The following RNF4 variants were observed in gnomAD, a reference collection of about 807,000 sequenced individuals.
The protein encoded by RNF4 is E3 ubiquitin-protein ligase RNF4.
RNF4 carries 7 observed loss-of-function variants against 24.3 expected under a neutral mutation model. The observed-to-expected ratio is 0.29, with a 90% CI of 0.16 to 0.54. RNF4 has a LOEUF of 0.54. Among genes scored for constraint, RNF4 ranks in the 20% least tolerant of loss-of-function variants. RNF4 has a pLI of 0.95. For synonymous variants in RNF4, 83 were observed against 84.3 expected (o/e 0.98, Z 0.09); for missense variants, 209 against 248.5 (o/e 0.84, Z 1.07).
At chr4:2,484,511 C>T (rs552683152) in intron 1 of RNF4, among the ~76,000 whole-genome samples, 1 of 152,144 alleles carries the variant, frequency 6.6e-6, no homozygotes, top group East Asian at 1.9e-4. Context: ...TAGAATTTTT[C>T]AACTTATGAT....
intron 1 of RNF4, among the ~76,000 whole-genome samples, chr4:2,481,618 TCTG>T (rs1030598544): frequency 2.6e-5 from 4 of 152,222 alleles, no homozygotes; most frequent in African/African-American, 7.2e-5. Context: ...CCTGCTCTCT[TCTG>T]CCTTTCTGTC....
chr4:2,476,022 C>T (rs1397822425), intron 1 of RNF4, among the ~76,000 whole-genome samples: 1 of 152,132 alleles, frequency 6.6e-6, no homozygotes, highest in African/African-American at 2.4e-5. Context: ...TTTATTTTTG[C>T]TTTCACCGCA....
At chr4:2,513,014 C>T in intron 6 of RNF4, 69 bp from the exon 7 acceptor site, 1 of 1,459,220 alleles carries the variant, frequency 6.9e-7, no homozygotes, top group South Asian at 1.1e-5. Context: ...ATAGGGGCCA[C>T]TCACGTGACA....
At chr4:2,510,937 G>A (rs1736254720) in intron 4 of RNF4, among the ~76,000 whole-genome samples, 1 of 152,200 alleles carries the variant, frequency 6.6e-6, no homozygotes. Context: ...GAATTGGATT[G>A]TGTTCAATCC....
intron 1 of RNF4, chr4:2,480,891 G>C (rs1735225275): frequency 6.6e-6 from 1 of 152,162 alleles, no homozygotes; most frequent in South Asian, 2.1e-4. Flanking sequence ...GTACAGTTCT[G>C]TTTGAAGTGT....
At chr4:2,495,392 AGGCTAAG>A (rs1735701983) in intron 2 of RNF4, among the ~76,000 whole-genome samples, 1 of 152,132 alleles carries the variant, frequency 6.6e-6, no homozygotes, top group East Asian at 1.9e-4. Context: ...GACCCTAGTA[AGGCTAAG>A]GAATTGGGAT....
intron 4 of RNF4, 107 bp from the exon 5 acceptor site, chr4:2,511,849 G>A: frequency 8.8e-7 from 1 of 1,132,830 alleles, no homozygotes. Context: ...CTCACCAGAG[G>A]GTTCCACAGA....
At chr4:2,485,932 A>G (rs1735393676) in intron 1 of RNF4, among the ~76,000 whole-genome samples, 1 of 152,198 alleles carries the variant, frequency 6.6e-6, no homozygotes, top group African/African-American at 2.4e-5. Context: ...CTTTTGGAAC[A>G]CACTAAATTT....
At chr4:2,484,235 C>G (rs895946857) in intron 1 of RNF4, among the ~76,000 whole-genome samples, 1 of 151,762 alleles carries the variant, frequency 6.6e-6, no homozygotes, top group Non-Finnish European at 1.5e-5. Context: ...AAGAGCTTCT[C>G]GTTAGAGCAT....
At chr4:2,475,377 C>T (rs1308782611) in intron 1 of RNF4, among the ~76,000 whole-genome samples, 2 of 152,000 alleles carry the variant, frequency 1.3e-5, no homozygotes, top group Non-Finnish European at 2.9e-5. Flanking sequence ...CTCACTCTGC[C>T]GCCCAGGCTG....
Position 2,512,623 on chromosome 4 carries a change from G to A in RNF4, c.374+26G>A. 6.2e-7 allele frequency: 1 copy of A among 1,611,636 alleles called. No individual in the cohort carries two copies. ...GTACCAACGTGCCCCCAGCTCTGCT[G>A]CCGCCATGCTAGGATGTGGGGCCAG... On this transcript the variant is annotated intron_variant, in intron 6 of 7. Coordinates refer to ENST00000314289, the MANE Select transcript of RNF4 (RefSeq NM_002938.5). This position sits in a 1 kb window ranked among gnomAD's most constrained non-coding sequence, Gnocchi z 4.1.
intron 3 of RNF4, chr4:2,499,339 TG>T: frequency 6.7e-6 from 3 of 448,128 alleles, no homozygotes; most frequent in South Asian, 4.7e-5. Context: ...TTGCCCAGGC[TG>T]GGGTGCAGTG....
chr4:2,469,509 G>A (rs13128459), intron 1 of RNF4: 7,226 of 152,348 alleles, frequency 0.047, 231 homozygotes, highest in South Asian at 0.16. Context: ...CGCGGCCATG[G>A]GGCTTAGTTC....
intron 4 of RNF4, chr4:2,505,868 A>AT (rs1234325336): frequency 1.3e-5 from 2 of 148,988 alleles, no homozygotes; most frequent in Non-Finnish European, 3.0e-5. Context: ...CGCCCAGCTA[A>AT]TTTTTGTATT....
intron 1 of RNF4, chr4:2,480,930 G>A (rs1383534269): frequency 6.6e-6 from 1 of 152,220 alleles, no homozygotes; most frequent in Non-Finnish European, 1.5e-5. Flanking sequence ...TTGTTCCAGT[G>A]AGGTTGCTGT....
chr4:2,513,052 G>A lies in RNF4; in HGVS notation c.375-31G>A, dbSNP rs762609689. ...GTATAATAAAATGTTTGCGTTGACTGAGAAACTAACGTGAAGCACTGTGCT... is the reference window on the plus strand; with the variant it reads ...GTATAATAAAATGTTTGCGTTGACTAAGAAACTAACGTGAAGCACTGTGCT... On this transcript the variant is annotated intron_variant, in intron 6 of 7. Transcript: ENST00000314289. The A allele has an allele frequency of 1.9e-5, 31 of 1,610,658 alleles. No individual in the cohort carries two copies. The South Asian group carries it at 2.1e-4, about 11-fold the overall frequency.
At chr4:2,507,723 G>A (rs969158287) in intron 4 of RNF4, among the ~76,000 whole-genome samples, 2 of 152,180 alleles carry the variant, frequency 1.3e-5, no homozygotes, top group Non-Finnish European at 2.9e-5. Flanking sequence ...AAGGGGCTTC[G>A]AGTGACCAAT....
intron 4 of RNF4, among the ~76,000 whole-genome samples, chr4:2,501,483 G>A (rs571122271): frequency 1.3e-5 from 2 of 152,378 alleles, no homozygotes; most frequent in East Asian, 1.9e-4. Flanking sequence ...TGCAGGGGAC[G>A]TGTGTATACG....
chr4:2,514,437 C>G lies in RNF4; in HGVS notation c.*618C>G, dbSNP rs1330362986. The G allele has an allele frequency of 6.5e-6, 1 of 154,684 alleles. No individual in the cohort carries two copies. The highest frequency in any genetic ancestry group is 1.4e-5 in the Non-Finnish European group (1 of 69,418). The allele number at this position is 154,684 out of a possible 1,614,324, so 9.6% of individuals were successfully genotyped here. On this transcript the variant is annotated 3_prime_UTR_variant, in exon 8 of 8. Coordinates refer to ENST00000314289, the MANE Select transcript of RNF4 (RefSeq NM_002938.5). ...CCTGTTTCCTAAGAACGAAAAAGTG[C>G]AATAAAGGCCATTCGTTACCTACTT...
Sources: gnomAD v4.1 joint callset for allele counts (sites outside exome capture counted in the v4.1 genomes callset) on GRCh38, gnomAD v4.1.1 for gene constraint, Gnocchi (gnomAD v3.1) non-coding constraint, MANE v1.5 for transcripts, NCBI Gene and HGNC (gene_info 2026-07-23, HGNC 2026-07-21) for gene names.